The following CHLSN variants were observed in gnomAD, a reference collection of about 807,000 sequenced individuals.
CHLSN encodes cholesin, also known as protein cholesin.
chr7:1,048,778 C>T, the CHLSN span, among the ~76,000 whole-genome samples: 1 of 152,194 alleles, frequency 6.6e-6, no homozygotes, highest in Non-Finnish European at 1.5e-5. Context: ...CCATGGTCTC[C>T]ACAGCCGCAC....
the CHLSN span, among the ~76,000 whole-genome samples, chr7:1,094,673 C>A: frequency 6.6e-6 from 1 of 151,306 alleles, no homozygotes. Flanking sequence ...CACACATGAG[C>A]CCAGGAAACT....
the CHLSN span, chr7:997,256 T>A: frequency 5.4e-6 from 1 of 186,896 alleles, no homozygotes; most frequent in Middle Eastern, 1.9e-3. Flanking sequence ...GGAGCCAGCA[T>A]GCCCCAATCT....
At chr7:1,001,372 T>C in the CHLSN span, among the ~76,000 whole-genome samples, 2 of 149,530 alleles carry the variant, frequency 1.3e-5, no homozygotes, top group African/African-American at 4.9e-5. Flanking sequence ...TGGGGAGTCC[T>C]GTGGGTGAGT....
At chr7:1,099,268 G>C in the CHLSN span, among the ~76,000 whole-genome samples, 11 of 152,082 alleles carry the variant, frequency 7.2e-5, no homozygotes, top group East Asian at 2.1e-3. Context: ...CTCCCCTTCC[G>C]GAGCCTCGCT....
the CHLSN span, among the ~76,000 whole-genome samples, chr7:1,068,158 T>C: frequency 6.6e-6 from 1 of 152,184 alleles, no homozygotes; most frequent in Non-Finnish European, 1.5e-5. Flanking sequence ...GAGACACGGA[T>C]GCTTTGTCCT....
At chr7:1,009,040 TGCACACAC>T in the CHLSN span, among the ~76,000 whole-genome samples, 1 of 72,688 alleles carries the variant, frequency 1.4e-5, no homozygotes, top group East Asian at 2.5e-4. Flanking sequence ...CGTACACACA[TGCACACAC>T]GTACACGTGC....
At chr7:997,586 CCCTG>C in the CHLSN span, 2 of 1,470,644 alleles carry the variant, frequency 1.4e-6, no homozygotes. Context: ...TCTGAGGCAG[CCCTG>C]CACTGGGCAG....
At chr7:1,027,523 C>A in the CHLSN span, among the ~76,000 whole-genome samples, 1 of 152,400 alleles carries the variant, frequency 6.6e-6, no homozygotes, top group East Asian at 1.9e-4. Flanking sequence ...GCTCTCCAAC[C>A]CAAACCCGGC....
the CHLSN span, among the ~76,000 whole-genome samples, chr7:1,076,884 G>A: frequency 2.6e-5 from 4 of 152,372 alleles, no homozygotes; most frequent in East Asian, 1.9e-4. Context: ...CCTGGGTGAC[G>A]CTCCTGGCAC....
chr7:1,070,650 C>A, the CHLSN span, among the ~76,000 whole-genome samples: 1 of 149,090 alleles, frequency 6.7e-6, no homozygotes, highest in African/African-American at 2.5e-5. Context: ...GACACACATG[C>A]ACACACATGC....
the CHLSN span, among the ~76,000 whole-genome samples, chr7:1,000,313 CCGGGAGACG>C: frequency 7.0e-6 from 1 of 142,696 alleles, no homozygotes; most frequent in Admixed American, 6.9e-5. Context: ...ACCTCAGCCC[CCGGGAGACG>C]TGCCTGCCCC....
chr7:1,066,203 C>T, the CHLSN span, among the ~76,000 whole-genome samples: 1 of 152,248 alleles, frequency 6.6e-6, no homozygotes, highest in African/African-American at 2.4e-5. Context: ...AAAGCCCACC[C>T]TCCCCCAGAA....
At chr7:1,127,619 CCTCA>C in the CHLSN span, among the ~76,000 whole-genome samples, 1 of 151,408 alleles carries the variant, frequency 6.6e-6, no homozygotes, top group Admixed American at 6.6e-5. Context: ...TGAGTCAGGG[CCTCA>C]CTCTGTCACC....
At chr7:1,012,112 G>A in the CHLSN span, among the ~76,000 whole-genome samples, 2 of 152,246 alleles carry the variant, frequency 1.3e-5, no homozygotes, top group Admixed American at 6.5e-5. Flanking sequence ...AACCCTCCTG[G>A]CACAGGCCCA....
the CHLSN span, chr7:1,000,693 T>G: frequency 1.4e-5 from 9 of 639,588 alleles, no homozygotes; most frequent in Admixed American, 2.9e-5. Context: ...GTGAAGAGGG[T>G]TTTTGGAGCC....
chr7:1,092,585 G>C, the CHLSN span: 12 of 1,611,134 alleles, frequency 7.4e-6, no homozygotes, highest in Non-Finnish European at 1.0e-5. Context: ...CTCCTGCAGC[G>C]GACGCAGCCT....
At chr7:1,009,939 G>C in the CHLSN span, 1 of 1,535,802 alleles carries the variant, frequency 6.5e-7, no homozygotes, top group Non-Finnish European at 8.7e-7. Flanking sequence ...GCGTGGGGCA[G>C]GGCCGCTCAC....
chr7:1,080,540 A>C, the CHLSN span, among the ~76,000 whole-genome samples: 1 of 152,212 alleles, frequency 6.6e-6, no homozygotes, highest in African/African-American at 2.4e-5. Flanking sequence ...GGAGGGGCTG[A>C]CCACCCAGGG....
chr7:980,566 G>C, the CHLSN span, among the ~76,000 whole-genome samples: 1,543 of 152,262 alleles, frequency 0.01, 23 homozygotes, highest in African/African-American at 0.034. Context: ...TTCTGTGACA[G>C]CCTAAGATTG....
Sources: gnomAD v4.1 joint callset for allele counts (sites outside exome capture counted in the v4.1 genomes callset) on GRCh38, gnomAD v4.1.1 for gene constraint, MANE v1.5 for transcripts, NCBI Gene and HGNC (gene_info 2026-07-23, HGNC 2026-07-21) for gene names.